PHYH: variants seen among roughly 807,000 people sequenced by gnomAD.
The protein encoded by PHYH is phytanoyl-CoA 2-hydroxylase, also known as phytanoyl-CoA dioxygenase, peroxisomal.
A neutral mutation model predicts 38.5 loss-of-function variants in PHYH; 32 were observed. The ratio of observed to expected loss-of-function variants is 0.83; its 90% CI spans 0.63 to 1.12. The LOEUF (loss-of-function observed/expected upper bound fraction) is 1.12, where lower values mean the gene tolerates loss of function less well. Ranked by LOEUF, PHYH falls within the 50% of genes most tolerant of loss-of-function variation. PHYH has a pLI of 0.00. For missense variants in PHYH, 426 were observed against 434.8 expected (o/e 0.98, Z 0.18); for synonymous variants, 166 against 157.9 (o/e 1.05, Z -0.38).
In PHYH at chr10:13,288,356, C is replaced by G. The variant is rs981272115; in HGVS notation, c.678+4G>C. 3 of 1,613,446 alleles carry G rather than the reference C, an allele frequency of 1.9e-6. No individual in the cohort carries two copies. Among genetic ancestry groups the G allele is most frequent in the African/African-American group, 2.7e-5 (2 of 75,040 alleles). On this transcript the variant is annotated splice_donor_region_variant and intron_variant, in intron 6 of 8. Coordinates refer to ENST00000263038, the MANE Select transcript of PHYH (RefSeq NM_006214.4). ...ATCAAGACTCAGCCGCCGGGCAGAC[C>G]TACCTCCCACTTGGGGTAATCGTGG...
At chr10:13,290,115 C>CAAAAAA (rs1172422242) in intron 5 of PHYH, among the ~76,000 whole-genome samples, 2 of 33,394 alleles carry the variant, frequency 6.0e-5, no homozygotes, top group African/African-American at 1.3e-4. Context: ...CTAAAAATAC[C>CAAAAAA]AAAAAAAAAA....
chr10:13,279,991 C>A (rs538944677), intron 8 of PHYH, among the ~76,000 whole-genome samples: 4 of 152,316 alleles, frequency 2.6e-5, no homozygotes, highest in African/African-American at 9.6e-5. Flanking sequence ...GTTGTTGAGA[C>A]AGAGTCTCGC....
At chr10:13,279,022 G>T in intron 8 of PHYH, among the ~76,000 whole-genome samples, 1 of 150,824 alleles carries the variant, frequency 6.6e-6, no homozygotes, top group East Asian at 2.0e-4. Context: ...TTTTGAGACG[G>T]AATTTTGCTC....
At chr10:13,298,761 A>G (rs572987887) in intron 1 of PHYH, among the ~76,000 whole-genome samples, 1 of 100,332 alleles carries the variant, frequency 1.0e-5, no homozygotes, top group East Asian at 3.3e-4. Context: ...TACTACTACT[A>G]CTGCTACTAC....
At position 13,288,458 on chromosome 10, in the gene PHYH, T is replaced by C; in HGVS notation, c.580A>G (p.Thr194Ala). The change falls in exon 6 of 9, where the codon ACG (threonine) becomes GCG (alanine). Residue 194 changes from threonine (T) to alanine (A), a missense_variant. Thr to Ala is a moderately conservative substitution (Grantham distance 58). Transcript: ENST00000263038. Reference protein sequence around the residue: ...RPSDLIVCAWTAMEHISRNNG... With the variant: ...RPSDLIVCAWAAMEHISRNNG... ...TTCCGGCTGATGTGCTCCATCGCCG[T>C]CCAGGCGCAAACGATGAGATCGCTG... is the stretch of plus-strand genomic sequence containing the variant. 6.2e-7 allele frequency: 1 copy of C among 1,614,120 alleles called. No homozygotes were observed. Among genetic ancestry groups the C allele is most frequent in the Non-Finnish European group, 8.5e-7 (1 of 1,180,016 alleles).
chr10:13,283,662 C>G (rs906105068), intron 7 of PHYH, 28 bp downstream of exon 7: 1 of 1,611,722 alleles, frequency 6.2e-7, no homozygotes, highest in African/African-American at 1.3e-5. Flanking sequence ...CACACTTCTG[C>G]AGCAGGTGCA....
At chr10:13,291,633 C>A in intron 5 of PHYH, 198 bp downstream of exon 5, 1 of 574,864 alleles carries the variant, frequency 1.7e-6, no homozygotes, top group Non-Finnish European at 3.1e-6. Flanking sequence ...TGCATACCAC[C>A]ATGCCTGGAT....
chr10:13,294,151 G>C (rs548781248), intron 4 of PHYH, among the ~76,000 whole-genome samples: 1 of 152,130 alleles, frequency 6.6e-6, no homozygotes, highest in African/African-American at 2.4e-5. Flanking sequence ...GCAGTGAGCC[G>C]AGATCGCACC....
chr10:13,288,266 T>G lies in PHYH; in HGVS notation c.678+94A>C, dbSNP rs368865978. On this transcript the variant is annotated intron_variant, in intron 6 of 8. Coordinates refer to ENST00000263038, the MANE Select transcript of PHYH (RefSeq NM_006214.4). Reference sequence around the variant, plus strand: ...GACAATGTTTTGCTCAGAAAGGAAATGCCATCTCATTTGTAAACTCTTTAG... The same window carrying G: ...GACAATGTTTTGCTCAGAAAGGAAAGGCCATCTCATTTGTAAACTCTTTAG... 25 of 1,092,142 alleles carry G rather than the reference T, an allele frequency of 2.3e-5. No homozygotes were observed. In the Middle Eastern group the frequency reaches 8.8e-4, roughly 38 times the overall value. 67.7% of individuals were successfully genotyped at this position (1,092,142 alleles called of 1,614,324 possible). A position where few individuals can be genotyped will look rare whatever the true frequency, so the allele number is the denominator to read the frequency against.
At position 13,291,852 on chromosome 10, in the gene PHYH, T is replaced by C; in HGVS notation, c.475A>G (p.Ile159Val). The stretch of plus-strand genomic sequence containing the variant: ...TTACCAGAATCTGGAGGTTTGTTTA[T>C]CAACATTGTGTGCATGGCCATAATA... Reference protein sequence around the residue: ...PNIMAMHTMLINKPPDSGKKT... With the variant: ...PNIMAMHTMLVNKPPDSGKKT... The change falls in exon 5 of 9, where the codon ATA (isoleucine) becomes GTA (valine). Residue 159 changes from isoleucine to valine, a missense_variant. Ile to Val is a conservative substitution (Grantham distance 29). Transcript: ENST00000263038. The C allele has an allele frequency of 6.2e-7, 1 of 1,609,868 alleles. No homozygotes were observed. The highest frequency in any genetic ancestry group is 8.5e-7 in the Non-Finnish European group (1 of 1,176,840).
intron 3 of PHYH, 29 bp from the exon 4 acceptor site, chr10:13,294,625 G>T (rs188010227): frequency 3.3e-5 from 53 of 1,606,788 alleles, no homozygotes; most frequent in Non-Finnish European, 4.3e-5. Flanking sequence ...AAATGATGTC[G>T]TTACCGCTGG....
At position 13,277,960 on chromosome 10, in the gene PHYH, T is replaced by A. The variant is rs1422688319; in HGVS notation, c.*341A>T. 3 of 343,644 alleles carry A rather than the reference T, an allele frequency of 8.7e-6. No individual in the cohort carries two copies. Among genetic ancestry groups the A allele is most frequent in the Admixed American group, 4.3e-5 (1 of 23,376 alleles). 21.3% of individuals were successfully genotyped at this position (343,644 alleles called of 1,614,324 possible). On this transcript the variant is annotated 3_prime_UTR_variant, in exon 9 of 9. Coordinates refer to ENST00000263038, the MANE Select transcript of PHYH (RefSeq NM_006214.4). ...TTTATCAGAAAGGGGATACAAAACA[T>A]ACCCTAAGCTCCAAATCATTCACTT...
intron 6 of PHYH, among the ~76,000 whole-genome samples, chr10:13,284,246 C>CG (rs1378952821): frequency 2.6e-5 from 4 of 151,920 alleles, no homozygotes; most frequent in Admixed American, 1.3e-4. Flanking sequence ...TCGATTGAGC[C>CG]GGGAGGGGGA....
chr10:13,299,710 A>T, intron 1 of PHYH: 1 of 1,285,670 alleles, frequency 7.8e-7, no homozygotes. Flanking sequence ...AGAGGCCCCC[A>T]GGGATCCCGG....
chr10:13,281,017 CT>C lies in PHYH; in HGVS notation c.921del (p.Ile307MetfsTer12). On this transcript the variant is annotated frameshift_variant, in exon 8 of 9. Transcript: ENST00000263038. LOFTEE classifies it low-confidence loss of function (END_TRUNC). ...TTTTCAGCTCCAAAGAATTTATGTG[CT>C]ATTCCTACAACTTCCTTCTCGATGT... ...QENIEKEVVG[I>X]AHKFFGAENS... The C allele has an allele frequency of 6.2e-7, 1 of 1,614,026 alleles. No individual in the cohort carries two copies. Among genetic ancestry groups the C allele is most frequent in the Non-Finnish European group, 8.5e-7 (1 of 1,179,858 alleles).
chr10:13,295,398 TAAA>T, intron 3 of PHYH, 95 bp downstream of exon 3: 1 of 753,074 alleles, frequency 1.3e-6, no homozygotes, highest in South Asian at 1.4e-5. Flanking sequence ...ACCAAATCAT[TAAA>T]AAACATCTGT....
At chr10:13,288,224 C>A in intron 6 of PHYH, 136 bp downstream of exon 6, 3 of 769,560 alleles carry the variant, frequency 3.9e-6, no homozygotes, top group Non-Finnish European at 6.6e-6. Flanking sequence ...TTCTCTGATC[C>A]TCACTGCAAA....
At chr10:13,285,297 C>T (rs1005554658) in intron 6 of PHYH, among the ~76,000 whole-genome samples, 1 of 151,880 alleles carries the variant, frequency 6.6e-6, no homozygotes, top group African/African-American at 2.4e-5. Flanking sequence ...AATTCTCCTA[C>T]CTCAGCCTCC....
chr10:13,292,640 C>G (rs963361584), intron 4 of PHYH, among the ~76,000 whole-genome samples: 13 of 152,218 alleles, frequency 8.5e-5, no homozygotes, highest in African/African-American at 3.1e-4. Flanking sequence ...GCAGAAAGGG[C>G]TCAACACTGA....
Sources: gnomAD v4.1 joint callset for allele counts (sites outside exome capture counted in the v4.1 genomes callset) on GRCh38, gnomAD v4.1.1 for gene constraint, MANE v1.5 for transcripts, NCBI Gene and HGNC (gene_info 2026-07-23, HGNC 2026-07-21) for gene names.